Variants in CEP57L1 observed in about 807,000 individuals in gnomAD.
CEP57L1 encodes centrosomal protein 57 like 1, also known as centrosomal protein CEP57L1.
A neutral mutation model predicts 61.0 loss-of-function variants in CEP57L1; 37 were observed. That is an observed-to-expected ratio of 0.61 (90% CI 0.47 to 0.80). The LOEUF (loss-of-function observed/expected upper bound fraction) is 0.80. Among genes scored for constraint, CEP57L1 ranks in the 30% least tolerant of loss-of-function variants. CEP57L1 has a pLI of 0.00. For synonymous variants in CEP57L1, 137 were observed against 162.3 expected (o/e 0.84, Z 1.19); for missense variants, 422 against 524.7 (o/e 0.80, Z 1.91).
intron 1 of CEP57L1, chr6:109,140,463 G>C (rs1030358574): frequency 2.0e-5 from 3 of 147,026 alleles, no homozygotes; most frequent in African/African-American, 7.6e-5. Context: ...ACAGTGGCAC[G>C]ATCTCGGCTC....
At chr6:109,098,326 T>C (rs1781960954) in intron 1 of CEP57L1, among the ~76,000 whole-genome samples, 1 of 152,196 alleles carries the variant, frequency 6.6e-6, no homozygotes, top group Non-Finnish European at 1.5e-5. Context: ...TTTGTGTTTT[T>C]AGTAGAGACA....
chr6:109,109,107 T>C (rs564818848), intron 1 of CEP57L1, among the ~76,000 whole-genome samples: 78 of 152,372 alleles, frequency 5.1e-4, no homozygotes, highest in Non-Finnish European at 7.4e-4. Flanking sequence ...TATTTCTTGT[T>C]ATCAATTACA....
At position 109,169,099 on chromosome 6, in the gene CEP57L1, G is replaced by T. The variant is rs1358736812; in HGVS notation, c.*6129G>T. Among the ~76,000 whole-genome samples the T allele has an allele frequency of 2.0e-5, 3 of 151,472 alleles. No individual in the cohort carries two copies. Among genetic ancestry groups the T allele is most frequent in the Non-Finnish European group, 4.4e-5 (3 of 67,884 alleles). On this transcript the variant is annotated 3_prime_UTR_variant, in exon 11 of 11. Coordinates refer to ENST00000517392, the MANE Select transcript of CEP57L1 (RefSeq NM_001271852.3). ...AAATTAGCCGGGCATGGTGGTATGT[G>T]CCTGTAATCCCGGGTACTCGGGAGG...
chr6:109,160,070 A>G (rs1773584318), intron 9 of CEP57L1, among the ~76,000 whole-genome samples: 1 of 152,212 alleles, frequency 6.6e-6, no homozygotes. Flanking sequence ...CACCTGCTTA[A>G]ATATATATTC....
chr6:109,125,565 T>TA (rs1435399389), intron 1 of CEP57L1, among the ~76,000 whole-genome samples: 2 of 150,148 alleles, frequency 1.3e-5, no homozygotes, highest in African/African-American at 2.4e-5. Context: ...CTGTCTTTAC[T>TA]AAGTTTACCA....
In CEP57L1 at chr6:109,166,471, C is replaced by T. The variant is rs1434258268; in HGVS notation, c.*3501C>T. Among the ~76,000 whole-genome samples, 1 of 151,394 alleles carries T rather than the reference C, an allele frequency of 6.6e-6. No homozygotes were observed. Among genetic ancestry groups the T allele is most frequent in the Non-Finnish European group, 1.5e-5 (1 of 67,908 alleles). ...CGATCTCAGCTCACTGCAACCTCCACCTCTCAGGTTCAAGCTATTCTCCTG... is the reference window on the plus strand; with the variant it reads ...CGATCTCAGCTCACTGCAACCTCCATCTCTCAGGTTCAAGCTATTCTCCTG... On this transcript the variant is annotated 3_prime_UTR_variant, in exon 11 of 11. Transcript: ENST00000517392.
At chr6:109,149,169 G>T (rs1426596608) in intron 3 of CEP57L1, among the ~76,000 whole-genome samples, 5 of 152,162 alleles carry the variant, frequency 3.3e-5, no homozygotes, top group African/African-American at 7.2e-5. Context: ...ATTGCTTTTG[G>T]TGTTGTAGAC....
intron 2 of CEP57L1, among the ~76,000 whole-genome samples, chr6:109,145,654 G>A (rs976623146): frequency 6.6e-6 from 1 of 151,792 alleles, no homozygotes; most frequent in Non-Finnish European, 1.5e-5. Flanking sequence ...ACTCTTTGAA[G>A]AATAAAAGGT....
intron 1 of CEP57L1, among the ~76,000 whole-genome samples, chr6:109,135,233 A>C (rs557585575): frequency 1.8e-4 from 28 of 152,326 alleles, no homozygotes; most frequent in African/African-American, 6.7e-4. Flanking sequence ...CCAATGGAAC[A>C]GAACAGAGCC....
intron 1 of CEP57L1, among the ~76,000 whole-genome samples, chr6:109,097,847 T>G (rs1781894528): frequency 6.6e-6 from 1 of 152,162 alleles, no homozygotes; most frequent in Non-Finnish European, 1.5e-5. Context: ...GAATAAACCA[T>G]GTAGATGCCT....
Position 109,163,017 on chromosome 6 carries a change from T to G in CEP57L1, c.*47T>G. ...TTAATGAACTTTGTCAGTGAGACCTTGAATTGTCTAAAGTGGTTTTAATTT... is the reference window on the plus strand; with the variant it reads ...TTAATGAACTTTGTCAGTGAGACCTGGAATTGTCTAAAGTGGTTTTAATTT... On this transcript the variant is annotated 3_prime_UTR_variant, in exon 11 of 11. Transcript: ENST00000517392. The G allele has an allele frequency of 8.4e-7, 1 of 1,185,178 alleles. No individual in the cohort carries two copies. Among genetic ancestry groups the G allele is most frequent in the Non-Finnish European group, 1.2e-6 (1 of 801,468 alleles). 73.4% of individuals were successfully genotyped at this position (1,185,178 alleles called of 1,614,324 possible).
intron 1 of CEP57L1, among the ~76,000 whole-genome samples, chr6:109,144,148 A>G (rs1193632493): frequency 2.6e-5 from 4 of 152,196 alleles, no homozygotes; most frequent in African/African-American, 9.6e-5. Flanking sequence ...ATTTAGACCA[A>G]TCAGAATGTT....
At chr6:109,135,884 A>T (rs1231248379) in intron 1 of CEP57L1, among the ~76,000 whole-genome samples, 1 of 152,368 alleles carries the variant, frequency 6.6e-6, no homozygotes, top group East Asian at 1.9e-4. Context: ...CACACCAGTT[A>T]GAATGGCAAT....
chr6:109,117,819 G>A (rs974227197), intron 1 of CEP57L1, among the ~76,000 whole-genome samples: 2 of 152,134 alleles, frequency 1.3e-5, no homozygotes, highest in African/African-American at 4.8e-5. Flanking sequence ...AAGTTCAATT[G>A]GAGCCATAAT....
At chr6:109,153,406 C>G (rs1772871015) in intron 4 of CEP57L1, among the ~76,000 whole-genome samples, 1 of 151,448 alleles carries the variant, frequency 6.6e-6, no homozygotes, top group African/African-American at 2.4e-5. Flanking sequence ...CCACCATGTC[C>G]AGCTGATTTT....
chr6:109,114,178 A>G (rs757929523), intron 1 of CEP57L1, among the ~76,000 whole-genome samples: 2 of 152,078 alleles, frequency 1.3e-5, no homozygotes, highest in African/African-American at 4.8e-5. Flanking sequence ...CCACCTACAG[A>G]GTATAAGGGT....
intron 1 of CEP57L1, among the ~76,000 whole-genome samples, chr6:109,132,268 A>C (rs1369066586): frequency 1.3e-5 from 2 of 152,204 alleles, no homozygotes; most frequent in Non-Finnish European, 2.9e-5. Context: ...AAATGTGTTT[A>C]AAATTAGAAC....
rs1342767809 is a variant in CEP57L1, at chr6:109,160,335, T to C, written c.1017-237T>C. 2.0e-5 allele frequency among the ~76,000 whole-genome samples: 3 copies of C among 152,196 alleles called. No individual in the cohort carries two copies. In the East Asian group the frequency reaches 5.8e-4, roughly 29 times the overall value. ...CAGCTATGAGCATCAGGAATTCAGATGTTTTTAAAAGTTGCTTAGCCGTCT... is the reference window on the plus strand; with the variant it reads ...CAGCTATGAGCATCAGGAATTCAGACGTTTTTAAAAGTTGCTTAGCCGTCT... On this transcript the variant is annotated intron_variant, in intron 9 of 10. Transcript: ENST00000517392.
At chr6:109,102,058 ATC>A (rs1244751307) in intron 1 of CEP57L1, among the ~76,000 whole-genome samples, 1 of 152,210 alleles carries the variant, frequency 6.6e-6, no homozygotes, top group African/African-American at 2.4e-5. Context: ...ATGTAATGGT[ATC>A]TCATTATTGT....
Sources: gnomAD v4.1 joint callset for allele counts (sites outside exome capture counted in the v4.1 genomes callset) on GRCh38, gnomAD v4.1.1 for gene constraint, MANE v1.5 for transcripts, NCBI Gene and HGNC (gene_info 2026-07-23, HGNC 2026-07-21) for gene names.